The following TAF4 variants were observed in gnomAD, a reference collection of about 807,000 sequenced individuals.
The protein encoded by TAF4 is TATA-box binding protein associated factor 4.
A neutral mutation model predicts 90.3 loss-of-function variants in TAF4; 9 were observed. The ratio of observed to expected loss-of-function variants is 0.10; its 90% CI spans 0.06 to 0.17. The LOEUF (loss-of-function observed/expected upper bound fraction) is 0.17, where lower values mean the gene tolerates loss of function less well. Ranked by LOEUF, TAF4 falls within the 10% of genes least tolerant of loss-of-function variation. The probability of loss-of-function intolerance (pLI) is 1.00; values close to 1 mark genes in which losing one functional copy is unlikely to be tolerated. For synonymous variants in TAF4, 818 were observed against 638.9 expected, an observed-to-expected ratio of 1.28 and a Z score of -4.23; for missense variants, 1,351 against 1,370.7, an observed-to-expected ratio of 0.99 and a Z score of 0.23.
chr20:62,035,274 C>A (rs2055926108), intron 1 of TAF4, among the ~76,000 whole-genome samples: 1 of 152,136 alleles, frequency 6.6e-6, no homozygotes, highest in Non-Finnish European at 1.5e-5. Context: ...TCAAAAGCAA[C>A]AGAATGGAGT....
rs1303088623 is a variant in TAF4, at chr20:62,065,836, C to T, written c.-26G>A. ...CTTTTTTCCTCGGCCGCCGCCGCCG[C>T]CGCCGCTCGGGCCGAGCGCGCCTGG... On this transcript the variant is annotated 5_prime_UTR_variant, in exon 1 of 15. Coordinates refer to ENST00000252996, the MANE Select transcript of TAF4 (RefSeq NM_003185.4). The T allele has an allele frequency of 1.6e-6, 2 of 1,252,602 alleles. No individual in the cohort carries two copies. The highest frequency in any genetic ancestry group is 1.4e-5 in the South Asian group (1 of 73,244). 77.6% of individuals were successfully genotyped at this position (1,252,602 alleles called of 1,614,324 possible). A position where few individuals can be genotyped will look rare whatever the true frequency, so the allele number is the denominator to read the frequency against.
At chr20:62,063,611 C>G (rs2056102725) in intron 1 of TAF4, among the ~76,000 whole-genome samples, 1 of 152,132 alleles carries the variant, frequency 6.6e-6, no homozygotes, top group African/African-American at 2.4e-5. Flanking sequence ...CGCAGCATAG[C>G]CAGTATCGCC....
chr20:62,011,042 G>C (rs534811424), intron 3 of TAF4, among the ~76,000 whole-genome samples: 2 of 152,276 alleles, frequency 1.3e-5, no homozygotes, highest in Admixed American at 6.5e-5. Flanking sequence ...CCGGAGCAGC[G>C]AGCTCTCTCC....
At chr20:62,053,579 G>C (rs1376153534) in intron 1 of TAF4, among the ~76,000 whole-genome samples, 1 of 152,180 alleles carries the variant, frequency 6.6e-6, no homozygotes, top group Admixed American at 6.5e-5. Context: ...GCCCGTCCAC[G>C]CCGACCTGCA....
chr20:61,981,858 C>T (rs546780469), intron 14 of TAF4, among the ~76,000 whole-genome samples: 15 of 127,360 alleles, frequency 1.2e-4, no homozygotes, highest in Admixed American at 3.1e-4. Flanking sequence ...CACACCCACC[C>T]GAGAGGAGAC....
intron 14 of TAF4, among the ~76,000 whole-genome samples, chr20:61,987,229 C>T (rs1327275817): frequency 6.6e-6 from 1 of 152,116 alleles, no homozygotes; most frequent in Non-Finnish European, 1.5e-5. Flanking sequence ...ACTAAGGAAA[C>T]GTCCACCAGA....
At chr20:62,031,845 C>T (rs967711741) in intron 1 of TAF4, among the ~76,000 whole-genome samples, 6 of 152,138 alleles carry the variant, frequency 3.9e-5, no homozygotes, top group African/African-American at 1.2e-4. Context: ...CACCCGGAGA[C>T]GGGGCTCGCA....
rs759980972 is a variant in TAF4, at chr20:62,009,124, T to A, written c.1812A>T (p.Ile604=). 8 of 1,613,792 alleles carry A rather than the reference T, an allele frequency of 5.0e-6. No individual in the cohort carries two copies. Among genetic ancestry groups the A allele is most frequent in the Non-Finnish European group, 6.8e-6 (8 of 1,179,924 alleles). The part of the protein sequence containing the change: ...KKCKNFLSTL[I]KLASSGKQST... ...ACTGCTTGCCAGATGAAGCCAGTTT[T>A]ATTAACGTAGATAGGAAATTTTTAC... Residue 604 remains isoleucine (I), a synonymous_variant, in exon 5 of 15, where the codon ATA becomes ATT. Transcript: ENST00000252996.
chr20:61,993,257 C>T (rs1381816142), intron 14 of TAF4, among the ~76,000 whole-genome samples: 3 of 152,222 alleles, frequency 2.0e-5, no homozygotes, highest in Admixed American at 1.3e-4. Flanking sequence ...AGCCCAGACC[C>T]GTGTCCTCGC....
intron 1 of TAF4, among the ~76,000 whole-genome samples, chr20:62,062,217 A>G (rs1188961166): frequency 6.6e-6 from 1 of 152,220 alleles, no homozygotes; most frequent in Non-Finnish European, 1.5e-5. Context: ...TCTTTGTTCT[A>G]AACATTTTTA....
intron 2 of TAF4, among the ~76,000 whole-genome samples, chr20:62,013,808 G>A (rs950331069): frequency 4.6e-5 from 7 of 152,210 alleles, no homozygotes; most frequent in Non-Finnish European, 7.3e-5. Flanking sequence ...GACACACGCC[G>A]GGAGAGGCAA....
In TAF4 at chr20:62,026,081, G is replaced by A. The variant is rs139486935; in HGVS notation, c.1361-11374C>T. Among the ~76,000 whole-genome samples the A allele has an allele frequency of 2.8e-3, 433 of 152,274 alleles. 1 individual carries two copies. The highest frequency in any genetic ancestry group is 6.8e-3 in the Middle Eastern group (2 of 294). ...TACAACCCTCCCGGCAAAAAATAAC[G>A]GAAAGCATAGTTTTAATCCTCTTCC... On this transcript the variant is annotated intron_variant, in intron 1 of 14. Transcript: ENST00000252996.
chr20:62,010,376 G>A lies in TAF4; in HGVS notation c.1642-211C>T, dbSNP rs1033451518. ...TGCCCTGACGATCGCAGTCCTGAGCGGGTGAGGAAGGCATGATTTGCACCT... is the reference window on the plus strand; with the variant it reads ...TGCCCTGACGATCGCAGTCCTGAGCAGGTGAGGAAGGCATGATTTGCACCT... On this transcript the variant is annotated intron_variant, in intron 3 of 14. Coordinates refer to ENST00000252996, the MANE Select transcript of TAF4 (RefSeq NM_003185.4). The surrounding 1 kb of genome is among the most constrained non-coding windows in gnomAD (Gnocchi z 4.5). Among the ~76,000 whole-genome samples the A allele has an allele frequency of 3.9e-5, 6 of 152,122 alleles. No homozygotes were observed. Among genetic ancestry groups the A allele is most frequent in the Admixed American group, 1.3e-4 (2 of 15,274 alleles).
intron 1 of TAF4, among the ~76,000 whole-genome samples, chr20:62,057,512 C>T (rs2056071412): frequency 6.6e-6 from 1 of 152,242 alleles, no homozygotes; most frequent in African/African-American, 2.4e-5. Flanking sequence ...TACCTGGCTA[C>T]GCTCCTCTCA....
rs770516236 is a variant in TAF4 at position 62,010,204 on chromosome 20, G to A, written c.1642-39C>T. 6.3e-5 allele frequency: 102 copies of A among 1,612,334 alleles called. No homozygotes were observed. Among genetic ancestry groups the A allele is most frequent in the African/African-American group, 1.2e-4 (9 of 74,840 alleles). ...AAAACACAAGGTAAGGGCATCTCAC[G>A]CCACCAGCTGACGAGGGGGAGACCA... On this transcript the variant is annotated intron_variant, in intron 3 of 14. Coordinates refer to ENST00000252996, the MANE Select transcript of TAF4 (RefSeq NM_003185.4). This position sits in a 1 kb window ranked among gnomAD's most constrained non-coding sequence, Gnocchi z 4.5.
At chr20:62,015,474 T>TG (rs1486440260) in intron 1 of TAF4, among the ~76,000 whole-genome samples, 1 of 151,954 alleles carries the variant, frequency 6.6e-6, no homozygotes, top group Non-Finnish European at 1.5e-5. Flanking sequence ...ATGACAGAGG[T>TG]GGGGATGCAG....
chr20:61,999,978 A>G (rs1444803829), intron 11 of TAF4, 146 bp downstream of exon 11: 45 of 978,910 alleles, frequency 4.6e-5, no homozygotes, highest in Non-Finnish European at 6.3e-5. Context: ...ATCTAGTCCT[A>G]TAAGAAATCC....
At chr20:62,047,148 T>C (rs769658086) in intron 1 of TAF4, among the ~76,000 whole-genome samples, 19 of 152,224 alleles carry the variant, frequency 1.2e-4, no homozygotes, top group Non-Finnish European at 2.4e-4. Context: ...ATAAAGACCA[T>C]CACTGTATTT....
At chr20:61,980,814 G>GC (rs1400415878) in intron 14 of TAF4, 1 of 152,356 alleles carries the variant, frequency 6.6e-6, no homozygotes, top group Non-Finnish European at 1.5e-5. Context: ...ACACGCCTGA[G>GC]CCTGACCCCC....
Sources: allele counts gnomAD v4.1 joint callset (sites outside exome capture counted in the v4.1 genomes callset), GRCh38; gene constraint gnomAD v4.1.1; non-coding constraint Gnocchi (gnomAD v3.1); transcripts MANE v1.5; gene names NCBI Gene and HGNC (gene_info 2026-07-23, HGNC 2026-07-21).